Variants in RASAL2 observed in about 807,000 individuals in gnomAD.
RASAL2 encodes the protein RAS protein activator like 2, also known as ras GTPase-activating protein nGAP.
RASAL2 carries 58 observed loss-of-function variants against 128.9 expected under a neutral mutation model. The ratio of observed to expected loss-of-function variants is 0.45; its 90% confidence interval spans 0.36 to 0.56. The LOEUF (loss-of-function observed/expected upper bound fraction) is 0.56. Among genes scored for constraint, RASAL2 ranks in the 20% least tolerant of loss-of-function variants. The pLI is 0.00. For missense variants in RASAL2, 1,360 were observed against 1,601.6 expected (o/e 0.85, Z 2.57); for synonymous variants, 561 against 580.8 (o/e 0.97, Z 0.49).
At chr1:178,227,159 A>C (rs1291989736) in intron 1 of RASAL2, among the ~76,000 whole-genome samples, 1 of 152,090 alleles carries the variant, frequency 6.6e-6, no homozygotes, top group Admixed American at 6.5e-5. Flanking sequence ...AGCTGCAACC[A>C]TTCTGATGCC....
chr1:178,454,478 A>G lies in RASAL2; in HGVS notation c.2041A>G (p.Met681Val). The change falls in exon 12 of 18, where the codon ATG becomes GTG. Residue 681 changes from methionine to valine, a missense_variant. Transcript: ENST00000367649. Reference protein sequence around the residue: ...FGNKEEYMAFMNDFLEHEWGG... With the variant: ...FGNKEEYMAFVNDFLEHEWGG... ...TAACAAAGAGGAATACATGGCATTCATGAATGATTTTTTAGAACATGAATG... is the reference window on the plus strand; with the variant it reads ...TAACAAAGAGGAATACATGGCATTCGTGAATGATTTTTTAGAACATGAATG... 6.2e-7 allele frequency: 1 copy of G among 1,613,332 alleles called. No homozygotes were observed. Among genetic ancestry groups the G allele is most frequent in the East Asian group, 2.2e-5 (1 of 44,862 alleles).
intron 3 of RASAL2, among the ~76,000 whole-genome samples, chr1:178,353,508 T>C (rs1670632450): frequency 6.6e-6 from 1 of 152,254 alleles, no homozygotes; most frequent in South Asian, 2.1e-4. Context: ...TATCAGTATT[T>C]TGGTCACAAC....
chr1:178,223,305 G>C (rs1663681548), intron 1 of RASAL2, among the ~76,000 whole-genome samples: 1 of 152,150 alleles, frequency 6.6e-6, no homozygotes, highest in African/African-American at 2.4e-5. Flanking sequence ...GATGCATTGG[G>C]CTGTAAAGGC....
At chr1:178,381,513 G>A (rs1672285592) in intron 3 of RASAL2, among the ~76,000 whole-genome samples, 1 of 151,972 alleles carries the variant, frequency 6.6e-6, no homozygotes, top group Non-Finnish European at 1.5e-5. Context: ...TTTTGTTTTT[G>A]TACAGTGTCA....
intron 1 of RASAL2, among the ~76,000 whole-genome samples, chr1:178,143,796 T>C (rs1323688236): frequency 6.6e-6 from 1 of 151,596 alleles, no homozygotes; most frequent in African/African-American, 2.4e-5. Context: ...ATGTATTACT[T>C]ATACAATTAA....
intron 5 of RASAL2, among the ~76,000 whole-genome samples, chr1:178,430,110 A>G (rs112854465): frequency 0.031 from 4,646 of 152,256 alleles, 96 homozygotes; most frequent in Middle Eastern, 0.065. Flanking sequence ...TGACTGTCCT[A>G]TTGAGGAACT....
At chr1:178,186,840 G>GGCA (rs1309050059) in intron 1 of RASAL2, among the ~76,000 whole-genome samples, 1 of 151,166 alleles carries the variant, frequency 6.6e-6, no homozygotes, top group Non-Finnish European at 1.5e-5. Flanking sequence ...TGGGGGGTTG[G>GGCA]GCAGGCAGGG....
chr1:178,287,879 T>G (rs1667103263), intron 2 of RASAL2, among the ~76,000 whole-genome samples: 1 of 152,136 alleles, frequency 6.6e-6, no homozygotes, highest in African/African-American at 2.4e-5. Flanking sequence ...TTGGGTACCA[T>G]GCACACTGCT....
At chr1:178,148,407 G>A (rs387917) in intron 1 of RASAL2, among the ~76,000 whole-genome samples, 104,009 of 151,750 alleles carry the variant, frequency 0.69, 37,926 homozygotes, top group East Asian at 0.8. Flanking sequence ...TAGTCAATAG[G>A]CTTAATGTGG....
At chr1:178,467,988 T>C (rs1468522607) in intron 17 of RASAL2, among the ~76,000 whole-genome samples, 1 of 152,186 alleles carries the variant, frequency 6.6e-6, no homozygotes, top group African/African-American at 2.4e-5. Context: ...CATCTTTTGA[T>C]AAAACTTTAA....
chr1:178,269,175 T>C (rs975566745), intron 1 of RASAL2, among the ~76,000 whole-genome samples: 4 of 152,208 alleles, frequency 2.6e-5, no homozygotes, highest in South Asian at 2.1e-4. Context: ...CTCTTCCCCA[T>C]GTGAGGACAC....
At chr1:178,411,887 C>G in intron 4 of RASAL2, 3 of 704,528 alleles carry the variant, frequency 4.3e-6, no homozygotes, top group Non-Finnish European at 7.9e-6. Flanking sequence ...ACCCCTGGAC[C>G]TGGGGCCAGT....
At chr1:178,186,245 A>G (rs1261102644) in intron 1 of RASAL2, among the ~76,000 whole-genome samples, 4 of 150,924 alleles carry the variant, frequency 2.7e-5, no homozygotes, top group Non-Finnish European at 5.9e-5. Flanking sequence ...TTCTTCTGAT[A>G]CTGACAATTT....
At chr1:178,441,413 T>C in intron 6 of RASAL2, 136 bp from the exon 7 acceptor site, 1 of 586,588 alleles carries the variant, frequency 1.7e-6, no homozygotes. Flanking sequence ...GTTTTTCTTA[T>C]CTATCCATCC....
intron 1 of RASAL2, among the ~76,000 whole-genome samples, chr1:178,108,389 A>T (rs530838689): frequency 6.6e-5 from 10 of 152,200 alleles, no homozygotes; most frequent in Non-Finnish European, 1.3e-4. Context: ...CATGAGCATG[A>T]TGATAATGAT....
At chr1:178,113,188 A>G (rs889839265) in intron 1 of RASAL2, among the ~76,000 whole-genome samples, 15 of 152,174 alleles carry the variant, frequency 9.9e-5, no homozygotes, top group South Asian at 2.1e-4. Context: ...GGACTATTCA[A>G]TTCCATCGGT....
At chr1:178,158,676 G>A (rs1370870208) in intron 1 of RASAL2, among the ~76,000 whole-genome samples, 1 of 152,174 alleles carries the variant, frequency 6.6e-6, no homozygotes, top group African/African-American at 2.4e-5. Flanking sequence ...TTAGTATCAT[G>A]GCAGTTTTCT....
At chr1:178,430,460 A>G (rs1675811901) in intron 5 of RASAL2, among the ~76,000 whole-genome samples, 1 of 152,110 alleles carries the variant, frequency 6.6e-6, no homozygotes, top group Admixed American at 6.6e-5. Context: ...GTATTCTTCC[A>G]GTGAAGAGTG....
At chr1:178,143,210 T>C (rs1660598067) in intron 1 of RASAL2, among the ~76,000 whole-genome samples, 1 of 151,726 alleles carries the variant, frequency 6.6e-6, no homozygotes, top group South Asian at 2.1e-4. Flanking sequence ...TAATTATCTT[T>C]GATAATTTTA....
Sources: allele counts gnomAD v4.1 joint callset (sites outside exome capture counted in the v4.1 genomes callset), GRCh38; gene constraint gnomAD v4.1.1; transcripts MANE v1.5; gene names NCBI Gene and HGNC (gene_info 2026-07-23, HGNC 2026-07-21).